TTF2: variants seen among roughly 807,000 people sequenced by gnomAD.
The protein encoded by TTF2 is transcription termination factor 2.
A neutral mutation model predicts 142.4 loss-of-function variants in TTF2; 108 were observed. That is an observed-to-expected ratio of 0.76 (90% confidence interval 0.65 to 0.89). TTF2 has a LOEUF of 0.89. TTF2 is among the 40% of genes least tolerant of loss of function. TTF2 has a pLI of 0.00. For missense variants in TTF2, 1,327 were observed against 1,379.8 expected (o/e 0.96, Z 0.61); for synonymous variants, 483 against 506.2 (o/e 0.95, Z 0.61).
At chr1:117,089,457 T>C (rs1648374471) in intron 13 of TTF2, among the ~76,000 whole-genome samples, 1 of 151,960 alleles carries the variant, frequency 6.6e-6, no homozygotes, top group South Asian at 2.1e-4. Context: ...GGAAGGCTGA[T>C]GTGGGAGGAT....
At position 117,104,942 on chromosome 1, in the gene TTF2, A is replaced by G. The variant is rs1649836287; in HGVS notation, c.*3418A>G. The G allele has an allele frequency of 6.6e-6, 1 of 152,210 alleles. No individual in the cohort carries two copies. Among genetic ancestry groups the G allele is most frequent in the African/African-American group, 2.4e-5 (1 of 41,458 alleles). 9.4% of individuals were successfully genotyped at this position (152,210 alleles called of 1,614,324 possible). ...ATCAGTTTCGTCAAGTCTAGGTATGACAAGGTGGGTCTTTGCACCTTCTAG... is the reference window on the plus strand; with the variant it reads ...ATCAGTTTCGTCAAGTCTAGGTATGGCAAGGTGGGTCTTTGCACCTTCTAG... On this transcript the variant is annotated 3_prime_UTR_variant, in exon 23 of 23. Coordinates refer to ENST00000369466, the MANE Select transcript of TTF2 (RefSeq NM_003594.4).
chr1:117,065,401 A>G (rs1343148721), intron 3 of TTF2, among the ~76,000 whole-genome samples: 1 of 152,232 alleles, frequency 6.6e-6, no homozygotes, highest in East Asian at 1.9e-4. Flanking sequence ...GATCGAGACC[A>G]TCATGGCTAA....
rs1649457932 is a variant in TTF2 at position 117,100,040 on chromosome 1, T to A, written c.3344+1133T>A. On this transcript the variant is annotated intron_variant, in intron 22 of 22. Transcript: ENST00000369466. This position sits in a 1 kb window ranked among gnomAD's most constrained non-coding sequence, Gnocchi z 4.6. ...AAATATCTGAATCCGAGTGTCCACATACTCATCTGTTATTCCTTCTTTTAT... is the reference window on the plus strand; with the variant it reads ...AAATATCTGAATCCGAGTGTCCACAAACTCATCTGTTATTCCTTCTTTTAT... Among the ~76,000 whole-genome samples, 1 of 152,252 alleles carries A rather than the reference T, an allele frequency of 6.6e-6. No homozygotes were observed. The highest frequency in any genetic ancestry group is 1.5e-5 in the Non-Finnish European group (1 of 68,038).
intron 10 of TTF2, chr1:117,082,153 A>G (rs1301085547): frequency 8.8e-6 from 6 of 685,126 alleles, no homozygotes; most frequent in African/African-American, 1.8e-5. Context: ...AAATTTGCCT[A>G]TAAACTAGGC....
Position 117,076,731 on chromosome 1 carries a change from C to A in TTF2, c.1481C>A (p.Pro494His). ...TGPPHLVPPQ[P>H]LPRRGTQPVG... ...CCTCCCCACCTGGTGCCTCCCCAAC[C>A]CCTTCCTCGTCGTGGTACCCAACCT... The change falls in exon 7 of 23, where the codon CCC becomes CAC. Residue 494 changes from proline (P) to histidine (H), a missense_variant. By Grantham distance (77) the Pro-to-His change is moderately conservative. Transcript: ENST00000369466. The surrounding 1 kb of genome is among the most constrained non-coding windows in gnomAD (Gnocchi z 4.6). 3.1e-6 allele frequency: 5 copies of A among 1,614,186 alleles called. No homozygotes were observed. The highest frequency in any genetic ancestry group is 3.4e-6 in the Non-Finnish European group (4 of 1,180,020).
rs567810202 is a variant in TTF2, at chr1:117,071,778, T to C, written c.219-1883T>C. 4.6e-5 allele frequency among the ~76,000 whole-genome samples: 7 copies of C among 152,316 alleles called. No individual in the cohort carries two copies. The East Asian group carries it at 1.3e-3, about 29-fold the overall frequency. ...TAGTTGGGAATAAAGAGATCATGTA[T>C]GGTTTTTGCCCTCTAGTAGCTGAAA... On this transcript the variant is annotated intron_variant, in intron 3 of 22. Coordinates refer to ENST00000369466, the MANE Select transcript of TTF2 (RefSeq NM_003594.4).
rs376348430 is a variant in TTF2 at position 117,077,901 on chromosome 1, C to T, written c.1574-15C>T. 1.6e-4 allele frequency: 264 copies of T among 1,613,812 alleles called. No homozygotes were observed. Among genetic ancestry groups the T allele is most frequent in the Non-Finnish European group, 2.1e-4 (247 of 1,179,790 alleles). On this transcript the variant is annotated splice_polypyrimidine_tract_variant and intron_variant, in intron 7 of 22. Coordinates refer to ENST00000369466, the MANE Select transcript of TTF2 (RefSeq NM_003594.4). ...TACTTGTGACATCTTTTAGGTAACACCTATTTGTATGCAGGCCATACAAAC... is the reference window on the plus strand; with the variant it reads ...TACTTGTGACATCTTTTAGGTAACATCTATTTGTATGCAGGCCATACAAAC...
rs991679585 is a variant in TTF2 at position 117,097,407 on chromosome 1, T to G, written c.3243T>G (p.Asn1081Lys). The G allele has an allele frequency of 6.2e-7, 1 of 1,614,034 alleles. No individual in the cohort carries two copies. The highest frequency in any genetic ancestry group is 1.3e-5 in the African/African-American group (1 of 74,908). Reference sequence around the variant, plus strand: ...TTGGTCTAAACCTGACTGGAGGAAATCACCTCTTTCTTTTGGACATGCACT... The same window carrying G: ...TTGGTCTAAACCTGACTGGAGGAAAGCACCTCTTTCTTTTGGACATGCACT... ...GGVGLNLTGG[N>K]HLFLLDMHWN... Residue 1081 changes from asparagine (N) to lysine (K), a missense_variant, in exon 21 of 23, where the codon AAT becomes AAG. Coordinates refer to ENST00000369466, the MANE Select transcript of TTF2 (RefSeq NM_003594.4). The surrounding 1 kb of genome is among the most constrained non-coding windows in gnomAD (Gnocchi z 4.1).
intron 2 of TTF2, 75 bp downstream of exon 2, chr1:117,060,632 C>A: frequency 6.8e-7 from 1 of 1,461,570 alleles, no homozygotes; most frequent in Non-Finnish European, 9.2e-7. Flanking sequence ...TCCCCGCTGT[C>A]GGGCGTCACA....
intron 3 of TTF2, among the ~76,000 whole-genome samples, chr1:117,067,461 G>A (rs540506517): frequency 5.9e-4 from 86 of 146,944 alleles, no homozygotes; most frequent in Non-Finnish European, 8.9e-4. Flanking sequence ...GGAAGCGGAG[G>A]TTGCAGTGAG....
chr1:117,102,406 T>C lies in TTF2; in HGVS notation c.*882T>C, dbSNP rs1649659142. 1 of 152,230 alleles carries C rather than the reference T, an allele frequency of 6.6e-6. No individual in the cohort carries two copies. Among genetic ancestry groups the C allele is most frequent in the Non-Finnish European group, 1.5e-5 (1 of 68,038 alleles). 9.4% of individuals were successfully genotyped at this position (152,230 alleles called of 1,614,324 possible). A position where few individuals can be genotyped will look rare whatever the true frequency, so the allele number is the denominator to read the frequency against. ...GGCTGAAGATCAAGGAGATGCTTTG[T>C]ACATGAACAGATGCTGAGTATCTGT... On this transcript the variant is annotated 3_prime_UTR_variant, in exon 23 of 23. Transcript: ENST00000369466.
At chr1:117,098,575 C>T (rs1649345195) in intron 21 of TTF2, 1 of 320,630 alleles carries the variant, frequency 3.1e-6, no homozygotes. Flanking sequence ...CTGGCACCAG[C>T]TTGTCTTAGG....
In TTF2 at chr1:117,092,951, A is replaced by G. The variant is rs372600730; in HGVS notation, c.2976+50A>G. The stretch of plus-strand genomic sequence containing the variant: ...GTCGAGAGACTTCGATTCCTCACAC[A>G]TTTTCCTGTGTGACAGCACTTCATT... On this transcript the variant is annotated intron_variant, in intron 18 of 22. Transcript: ENST00000369466. The surrounding 1 kb of genome is among the most constrained non-coding windows in gnomAD (Gnocchi z 4.4). The G allele has an allele frequency of 1.6e-5, 26 of 1,600,264 alleles. No homozygotes were observed. Among genetic ancestry groups the G allele is most frequent in the Non-Finnish European group, 2.1e-5 (25 of 1,171,276 alleles).
Position 117,091,701 on chromosome 1 carries a change from A to G in TTF2, c.2672-116A>G, listed in dbSNP as rs150828317. ...TGGCCTATAGAAGTGAGTTGTAACT[A>G]TATTATTGAGTCTGAGATCAAACAT... On this transcript the variant is annotated intron_variant, in intron 16 of 22. Coordinates refer to ENST00000369466, the MANE Select transcript of TTF2 (RefSeq NM_003594.4). The G allele has an allele frequency of 1.4e-5, 19 of 1,354,956 alleles. No individual in the cohort carries two copies. In the African/African-American group the frequency reaches 1.5e-4, roughly 10 times the overall value. 83.9% of individuals were successfully genotyped at this position (1,354,956 alleles called of 1,614,324 possible). A position where few individuals can be genotyped will look rare whatever the true frequency, so the allele number is the denominator to read the frequency against.
At position 117,103,668 on chromosome 1, in the gene TTF2, A is replaced by C. The variant is rs2101295638; in HGVS notation, c.*2144A>C. ...CTTAGCTGGGTGTGTAACGTTGAAA[A>C]AATTGGCCGGGTGCAGTGGCTCAGG... On this transcript the variant is annotated 3_prime_UTR_variant, in exon 23 of 23. Transcript: ENST00000369466. The C allele has an allele frequency of 6.6e-6, 1 of 152,272 alleles. No individual in the cohort carries two copies. Among genetic ancestry groups the C allele is most frequent in the South Asian group, 2.1e-4 (1 of 4,826 alleles). 9.4% of individuals were successfully genotyped at this position (152,272 alleles called of 1,614,324 possible). A position where few individuals can be genotyped will look rare whatever the true frequency, so the allele number is the denominator to read the frequency against.
chr1:117,092,723 C>T lies in TTF2; in HGVS notation c.2806-8C>T, dbSNP rs1182331447. ...CCCAGCTGCTCCTGTCCTTTTTTGTCTGTTCAGGCCCTGGATCCAATGGAA... is the reference window on the plus strand; with the variant it reads ...CCCAGCTGCTCCTGTCCTTTTTTGTTTGTTCAGGCCCTGGATCCAATGGAA... On this transcript the variant is annotated splice_region_variant and splice_polypyrimidine_tract_variant and intron_variant, in intron 17 of 22. Transcript: ENST00000369466. This position sits in a 1 kb window ranked among gnomAD's most constrained non-coding sequence, Gnocchi z 4.4. 6 of 1,600,204 alleles carry T rather than the reference C, an allele frequency of 3.7e-6. No homozygotes were observed. The highest frequency in any genetic ancestry group is 3.5e-5 in the Admixed American group (2 of 56,644).
At position 117,075,817 on chromosome 1, in the gene TTF2, A is replaced by G. The variant is rs1026025518; in HGVS notation, c.1233A>G (p.Val411=). The change falls in exon 5 of 23, where the codon GTA becomes GTG. Residue 411 remains valine, a synonymous_variant. Transcript: ENST00000369466. This position sits in a 1 kb window ranked among gnomAD's most constrained non-coding sequence, Gnocchi z 4.5. ...AGAAGGTAGAACCCTCAGACCCAGT[A>G]GCCCGGCGTGTCTACCTTACAACAC... is the stretch of plus-strand genomic sequence containing the variant. ...VSKKVEPSDP[V]ARRVYLTTQL... is the part of the protein sequence containing the mutation. The G allele has an allele frequency of 6.2e-7, 1 of 1,613,340 alleles. No individual in the cohort carries two copies. The highest frequency in any genetic ancestry group is 1.3e-5 in the African/African-American group (1 of 74,882).
At chr1:117,064,157 G>T (rs1305236201) in intron 3 of TTF2, among the ~76,000 whole-genome samples, 1 of 152,022 alleles carries the variant, frequency 6.6e-6, no homozygotes, top group Non-Finnish European at 1.5e-5. Context: ...TTTTAAAACT[G>T]AGTTGGTAGA....
Position 117,101,641 on chromosome 1 carries a change from GC to G in TTF2, c.*119del. 8.6e-7 allele frequency: 1 copy of G among 1,163,968 alleles called. No homozygotes were observed. 72.1% of individuals were successfully genotyped at this position (1,163,968 alleles called of 1,614,324 possible). A position where few individuals can be genotyped will look rare whatever the true frequency, so the allele number is the denominator to read the frequency against. On this transcript the variant is annotated 3_prime_UTR_variant, in exon 23 of 23. Coordinates refer to ENST00000369466, the MANE Select transcript of TTF2 (RefSeq NM_003594.4). This position sits in a 1 kb window ranked among gnomAD's most constrained non-coding sequence, Gnocchi z 5.9. The stretch of plus-strand genomic sequence containing the variant: ...CTTTGCATTTCAATTTCACCGTCAA[GC>G]CTTTCACCTTCCTCAAAATGAGGCA...
Sources: gnomAD v4.1 joint callset for allele counts (sites outside exome capture counted in the v4.1 genomes callset) on GRCh38, gnomAD v4.1.1 for gene constraint, Gnocchi (gnomAD v3.1) non-coding constraint, MANE v1.5 for transcripts, NCBI Gene and HGNC (gene_info 2026-07-23, HGNC 2026-07-21) for gene names.